The following NGFR variants were observed in gnomAD, a reference collection of about 807,000 sequenced individuals.
The protein encoded by NGFR is tumor necrosis factor receptor superfamily member 16.
In NGFR, 30 loss-of-function variants were observed where a neutral mutation model predicts 43.2. The ratio of observed to expected loss-of-function variants is 0.69; its 90% confidence interval spans 0.52 to 0.94. The LOEUF is 0.94. Among genes scored for constraint, NGFR ranks in the 40% least tolerant of loss-of-function variants. NGFR has a pLI of 0.00. For synonymous variants in NGFR, 246 were observed against 259.6 expected (o/e 0.95, Z 0.50); for missense variants, 529 against 602.5 (o/e 0.88, Z 1.28).
chr17:49,495,530 C>A lies in NGFR; in HGVS notation c.66+47C>A. The A allele has an allele frequency of 1.6e-6, 2 of 1,215,218 alleles. No homozygotes were observed. Among genetic ancestry groups the A allele is most frequent in the Non-Finnish European group, 2.1e-6 (2 of 970,248 alleles). The allele number at this position is 1,215,218 out of a possible 1,614,324, so 75.3% of individuals were successfully genotyped here. On this transcript the variant is annotated intron_variant, in intron 1 of 5. Coordinates refer to ENST00000172229, the MANE Select transcript of NGFR (RefSeq NM_002507.4). This position sits in a 1 kb window ranked among gnomAD's most constrained non-coding sequence, Gnocchi z 6.4. ...CCCGCTCCCTTTCCCGGGATCAGAA[C>A]TCCGAGAAGAGCCGGGCGCCGCCAC...
intron 2 of NGFR, among the ~76,000 whole-genome samples, chr17:49,503,726 C>T (rs2071180552): frequency 6.6e-6 from 1 of 152,212 alleles, no homozygotes; most frequent in African/African-American, 2.4e-5. Flanking sequence ...CGTCTTGCTT[C>T]ATGGCCACCT....
rs1459416081 is a variant in NGFR at position 49,513,249 on chromosome 17, A to ACCCTGC, written c.*250_*255dup. 3 of 485,556 alleles carry ACCCTGC rather than the reference A, an allele frequency of 6.2e-6. No homozygotes were observed. Among genetic ancestry groups the ACCCTGC allele is most frequent in the Admixed American group, 3.8e-5 (1 of 26,032 alleles). The allele number at this position is 485,556 out of a possible 1,614,324, so 30.1% of individuals were successfully genotyped here. On this transcript the variant is annotated 3_prime_UTR_variant, in exon 6 of 6. Coordinates refer to ENST00000172229, the MANE Select transcript of NGFR (RefSeq NM_002507.4). The stretch of plus-strand genomic sequence containing the variant: ...GAGAAGTGCCCCTGCTGCCTCCCCA[A>ACCCTGC]CCCTGCCCCTGCCCCGTCACCATCT...
At chr17:49,506,704 G>GGC in intron 3 of NGFR, 46 bp downstream of exon 3, 1 of 737,232 alleles carries the variant, frequency 1.4e-6, no homozygotes, top group Non-Finnish European at 2.0e-6. Flanking sequence ...GCGGGGGTGG[G>GGC]CTGGGGGCAT....
intron 2 of NGFR, among the ~76,000 whole-genome samples, chr17:49,504,463 A>G (rs1597861091): frequency 6.6e-6 from 1 of 152,240 alleles, no homozygotes; most frequent in Non-Finnish European, 1.5e-5. Context: ...CCCAATCTTT[A>G]TAGGATCCCA....
intron 4 of NGFR, chr17:49,510,875 G>A: frequency 1.7e-6 from 1 of 598,922 alleles, no homozygotes; most frequent in Non-Finnish European, 2.9e-6. Flanking sequence ...GTCCTCTCCT[G>A]CCCTGTCCTG....
At chr17:49,497,398 A>T (rs1355863514) in intron 1 of NGFR, 1 of 152,318 alleles carries the variant, frequency 6.6e-6, no homozygotes, top group African/African-American at 2.4e-5. Context: ...AGCGTAGACC[A>T]GGAGAGCGGG....
rs1038007096 is a variant in NGFR, at chr17:49,512,210, G to A, written c.982+158G>A. On this transcript the variant is annotated intron_variant, in intron 5 of 5. Coordinates refer to ENST00000172229, the MANE Select transcript of NGFR (RefSeq NM_002507.4). The surrounding 1 kb of genome is among the most constrained non-coding windows in gnomAD (Gnocchi z 5.2). Reference sequence around the variant, plus strand: ...AGAGGCTGGCCGAGGGGAATGGGAGGGAGAGGTCCTCTCTAGAGGAACGAC... The same window carrying A: ...AGAGGCTGGCCGAGGGGAATGGGAGAGAGAGGTCCTCTCTAGAGGAACGAC... Among the ~76,000 whole-genome samples the A allele has an allele frequency of 1.1e-4, 17 of 152,210 alleles. No homozygotes were observed. Among genetic ancestry groups the A allele is most frequent in the Non-Finnish European group, 2.4e-4 (16 of 68,038 alleles).
At chr17:49,508,463 G>A (rs1437292638) in intron 3 of NGFR, among the ~76,000 whole-genome samples, 1 of 152,166 alleles carries the variant, frequency 6.6e-6, no homozygotes, top group Non-Finnish European at 1.5e-5. Flanking sequence ...AGGGTTAAAT[G>A]TCAGCTCTGG....
chr17:49,502,583 T>C (rs1262462988), intron 2 of NGFR, among the ~76,000 whole-genome samples: 1 of 152,038 alleles, frequency 6.6e-6, no homozygotes, highest in African/African-American at 2.4e-5. Context: ...CCCGGTGTGT[T>C]TGGGGGAAGG....
rs1195895590 is a variant in NGFR at position 49,514,957 on chromosome 17, A to G, written c.*1948A>G. The G allele has an allele frequency of 6.6e-6, 1 of 152,072 alleles. No homozygotes were observed. The highest frequency in any genetic ancestry group is 1.5e-5 in the Non-Finnish European group (1 of 68,018). 9.4% of individuals were successfully genotyped at this position (152,072 alleles called of 1,614,324 possible). A position where few individuals can be genotyped will look rare whatever the true frequency, so the allele number is the denominator to read the frequency against. ...TAATCATTTCTTGGGCCCTCCTGAA[A>G]CTTACACACAAAACGTTAAGTGATG... On this transcript the variant is annotated 3_prime_UTR_variant, in exon 6 of 6. Transcript: ENST00000172229.
chr17:49,504,847 C>T (rs2071187785), intron 2 of NGFR, among the ~76,000 whole-genome samples: 1 of 141,760 alleles, frequency 7.1e-6, no homozygotes, highest in Non-Finnish European at 1.5e-5. Context: ...TCTTGGCTCA[C>T]TGTAACCTCT....
intron 3 of NGFR, among the ~76,000 whole-genome samples, chr17:49,508,259 G>A (rs1335212756): frequency 6.6e-6 from 1 of 152,220 alleles, no homozygotes; most frequent in Non-Finnish European, 1.5e-5. Context: ...AGCTGGGGGC[G>A]GGGCGGGGGG....
At position 49,512,585 on chromosome 17, in the gene NGFR, T is replaced by C. The variant is rs2071240606; in HGVS notation, c.983-123T>C. The C allele has an allele frequency of 7.7e-7, 1 of 1,291,488 alleles. No individual in the cohort carries two copies. The highest frequency in any genetic ancestry group is 1.1e-6 in the Non-Finnish European group (1 of 937,702). The allele number at this position is 1,291,488 out of a possible 1,614,324, so 80.0% of individuals were successfully genotyped here. On this transcript the variant is annotated intron_variant, in intron 5 of 5. Transcript: ENST00000172229. The surrounding 1 kb of genome is among the most constrained non-coding windows in gnomAD (Gnocchi z 5.2). Reference sequence around the variant, plus strand: ...TGGTGCCCCACCCAGGACCTTGTCTTGGCCCCAGGCCTCCAGATGGGGAGG... The same window carrying C: ...TGGTGCCCCACCCAGGACCTTGTCTCGGCCCCAGGCCTCCAGATGGGGAGG...
At chr17:49,509,952 A>C (rs2071221000) in intron 3 of NGFR, among the ~76,000 whole-genome samples, 1 of 152,156 alleles carries the variant, frequency 6.6e-6, no homozygotes, top group African/African-American at 2.4e-5. Context: ...ATCAAGGACA[A>C]GCTGGGGCCA....
chr17:49,500,580 T>C (rs1379734462), intron 1 of NGFR, among the ~76,000 whole-genome samples: 6 of 152,166 alleles, frequency 3.9e-5, no homozygotes, highest in Non-Finnish European at 1.5e-5. Context: ...GGAAGTGACA[T>C]TTAAGCAGAG....
chr17:49,500,264 A>G (rs1010905460), intron 1 of NGFR, among the ~76,000 whole-genome samples: 4 of 152,322 alleles, frequency 2.6e-5, no homozygotes, highest in Admixed American at 2.0e-4. Flanking sequence ...GAGGGCAGCA[A>G]AGCCTGGCAG....
At chr17:49,510,752 C>A (rs1597864062) in intron 4 of NGFR, 88 bp downstream of exon 4, 2 of 1,521,982 alleles carry the variant, frequency 1.3e-6, no homozygotes, top group Non-Finnish European at 1.8e-6. Flanking sequence ...AACATACACA[C>A]CCTTTTAACT....
chr17:49,511,216 T>C (rs1364594177), intron 4 of NGFR: 1 of 153,798 alleles, frequency 6.5e-6, no homozygotes, highest in African/African-American at 2.4e-5. Context: ...CCCCCTTTTA[T>C]CTCCCCAAAT....
intron 3 of NGFR, among the ~76,000 whole-genome samples, chr17:49,507,070 C>T (rs2071204333): frequency 2.6e-5 from 4 of 152,174 alleles, no homozygotes; most frequent in Admixed American, 2.0e-4. Context: ...ATGAGGCAGG[C>T]TTTCTGAACT....
Sources: gnomAD v4.1 joint callset for allele counts (sites outside exome capture counted in the v4.1 genomes callset) on GRCh38, gnomAD v4.1.1 for gene constraint, Gnocchi (gnomAD v3.1) non-coding constraint, MANE v1.5 for transcripts, NCBI Gene and HGNC (gene_info 2026-07-23, HGNC 2026-07-21) for gene names.